Variants in CDH12 observed in about 807,000 individuals in gnomAD.
CDH12 encodes cadherin-12.
A neutral mutation model predicts 74.1 loss-of-function variants in CDH12; 41 were observed. That is an observed-to-expected ratio of 0.55 (90% CI 0.43 to 0.72). The LOEUF is 0.72. CDH12 is among the 30% of genes least tolerant of loss of function. The pLI, the probability that CDH12 is intolerant of heterozygous loss-of-function variation, is 0.00. For missense variants in CDH12, 945 were observed against 977.2 expected, an observed-to-expected ratio of 0.97 and a Z score of 0.44; for synonymous variants, 399 against 355.0, an observed-to-expected ratio of 1.12 and a Z score of -1.39.
chr5:21,908,510 A>C (rs189569246), intron 6 of CDH12, among the ~76,000 whole-genome samples: 1 of 152,266 alleles, frequency 6.6e-6, no homozygotes, highest in Non-Finnish European at 1.5e-5. Flanking sequence ...GATAATAAAT[A>C]TCTTTATTTT....
intron 5 of CDH12, among the ~76,000 whole-genome samples, chr5:22,038,955 G>T (rs1739379570): frequency 6.6e-6 from 1 of 152,100 alleles, no homozygotes; most frequent in Admixed American, 6.5e-5. Context: ...CTGAGATGCT[G>T]AACGTCATTC....
At chr5:22,328,932 G>A (rs1739235450) in intron 3 of CDH12, among the ~76,000 whole-genome samples, 1 of 152,110 alleles carries the variant, frequency 6.6e-6, no homozygotes, top group African/African-American at 2.4e-5. Context: ...AAGGAATTTT[G>A]AGCCCACTAA....
chr5:22,238,529 C>CTAG (rs1408558499), intron 3 of CDH12, among the ~76,000 whole-genome samples: 1 of 152,026 alleles, frequency 6.6e-6, no homozygotes, highest in Non-Finnish European at 1.5e-5. Flanking sequence ...TGTGGAAGAC[C>CTAG]TTACTATGAG....
At chr5:22,308,688 CTT>C (rs1738232818) in intron 3 of CDH12, among the ~76,000 whole-genome samples, 1 of 152,062 alleles carries the variant, frequency 6.6e-6, no homozygotes, top group Non-Finnish European at 1.5e-5. Flanking sequence ...AGATCCTTAA[CTT>C]GATCACATCG....
chr5:22,716,450 G>A (rs560488716), intron 1 of CDH12, among the ~76,000 whole-genome samples: 22 of 152,148 alleles, frequency 1.4e-4, no homozygotes, highest in Admixed American at 7.2e-4. Flanking sequence ...GAGGATGCTG[G>A]TGTGAACAAA....
chr5:22,331,324 G>A lies in CDH12; in HGVS notation c.-333+73933C>T, dbSNP rs559235308. 5.3e-5 allele frequency among the ~76,000 whole-genome samples: 8 copies of A among 152,278 alleles called. No individual in the cohort carries two copies. The East Asian group carries it at 1.2e-3, about 22-fold the overall frequency. ...GCAGTCTCAGTGGTGGTAGCCACACGTGTGCTCGCATCACCACATCTCCAG... is the reference window on the plus strand; with the variant it reads ...GCAGTCTCAGTGGTGGTAGCCACACATGTGCTCGCATCACCACATCTCCAG... On this transcript the variant is annotated intron_variant, in intron 3 of 14. Coordinates refer to ENST00000382254, the MANE Select transcript of CDH12 (RefSeq NM_004061.5).
At chr5:22,270,332 A>T (rs191927947) in intron 3 of CDH12, among the ~76,000 whole-genome samples, 44 of 152,226 alleles carry the variant, frequency 2.9e-4, no homozygotes, top group Non-Finnish European at 5.1e-4. Context: ...ACAGTGGCTC[A>T]CGGCTGTAAT....
chr5:22,585,759 C>T (rs1490247963), intron 1 of CDH12, among the ~76,000 whole-genome samples: 2 of 151,958 alleles, frequency 1.3e-5, no homozygotes, highest in Admixed American at 1.3e-4. Flanking sequence ...TTCAGAGCTG[C>T]TTTTTTACTT....
chr5:22,159,039 AC>A (rs1335195359), intron 4 of CDH12, among the ~76,000 whole-genome samples: 1 of 152,150 alleles, frequency 6.6e-6, no homozygotes, highest in African/African-American at 2.4e-5. Context: ...TTTTGAATAT[AC>A]AGGTTCCTGA....
intron 1 of CDH12, among the ~76,000 whole-genome samples, chr5:22,592,461 T>C (rs1736381433): frequency 6.6e-6 from 1 of 152,088 alleles, no homozygotes; most frequent in Non-Finnish European, 1.5e-5. Context: ...CATACAAAAT[T>C]AGTTTACTTA....
chr5:22,274,650 C>T (rs901734472), intron 3 of CDH12, among the ~76,000 whole-genome samples: 2 of 151,636 alleles, frequency 1.3e-5, no homozygotes, highest in Non-Finnish European at 2.9e-5. Flanking sequence ...ATATTATATG[C>T]CAATATATAT....
chr5:21,832,567 C>CTGTT (rs1749083433), intron 8 of CDH12, among the ~76,000 whole-genome samples: 1 of 150,668 alleles, frequency 6.6e-6, no homozygotes, highest in Non-Finnish European at 1.5e-5. Flanking sequence ...ATATGAGTGT[C>CTGTT]TGTTTGTTTA....
intron 3 of CDH12, among the ~76,000 whole-genome samples, chr5:22,360,395 T>C (rs1484181967): frequency 6.6e-6 from 1 of 152,058 alleles, no homozygotes; most frequent in Admixed American, 6.6e-5. Context: ...AAGTTGAATC[T>C]CTGAATAGAC....
intron 3 of CDH12, among the ~76,000 whole-genome samples, chr5:22,220,499 T>G (rs1329122774): frequency 2.0e-5 from 3 of 151,718 alleles, no homozygotes; most frequent in African/African-American, 7.2e-5. Context: ...GGAAGATTAT[T>G]CATCATGAGA....
intron 1 of CDH12, among the ~76,000 whole-genome samples, chr5:22,615,933 C>T (rs1423789734): frequency 6.6e-6 from 1 of 152,086 alleles, no homozygotes; most frequent in Non-Finnish European, 1.5e-5. Flanking sequence ...TATTCCCATG[C>T]TATCTAACTA....
chr5:22,541,914 ACTG>A (rs1034178543), intron 1 of CDH12, among the ~76,000 whole-genome samples: 85 of 152,246 alleles, frequency 5.6e-4, no homozygotes, highest in African/African-American at 1.9e-3. Context: ...TCTATACCTC[ACTG>A]AAAGATTTCT....
At chr5:22,552,068 C>T (rs1580757630) in intron 1 of CDH12, among the ~76,000 whole-genome samples, 1 of 152,060 alleles carries the variant, frequency 6.6e-6, no homozygotes, top group Admixed American at 6.5e-5. Flanking sequence ...GTGAACAGAG[C>T]ATAGGTGATT....
At chr5:22,751,804 G>A (rs1200357606) in intron 1 of CDH12, among the ~76,000 whole-genome samples, 1 of 152,134 alleles carries the variant, frequency 6.6e-6, no homozygotes, top group African/African-American at 2.4e-5. Context: ...AAACATTTAT[G>A]ATAAGATGCT....
At chr5:22,064,192 A>G (rs763753920) in intron 5 of CDH12, among the ~76,000 whole-genome samples, 12 of 152,142 alleles carry the variant, frequency 7.9e-5, no homozygotes, top group Non-Finnish European at 7.3e-5. Flanking sequence ...TGAAACACAC[A>G]TATCTGGAAG....
Sources: allele counts gnomAD v4.1 joint callset (sites outside exome capture counted in the v4.1 genomes callset), GRCh38; gene constraint gnomAD v4.1.1; transcripts MANE v1.5; gene names NCBI Gene and HGNC (gene_info 2026-07-23, HGNC 2026-07-21).